The following RYR2 variants were observed in gnomAD, a reference collection of about 807,000 sequenced individuals.
The protein encoded by RYR2 is cardiac muscle ryanodine receptor-calcium release channel.
RYR2 carries 227 observed loss-of-function variants against 601.1 expected under a neutral mutation model. The ratio of observed to expected loss-of-function variants is 0.38; its 90% CI spans 0.34 to 0.42. The LOEUF is 0.42. Ranked by LOEUF, RYR2 falls within the 10% of genes least tolerant of loss-of-function variation. RYR2 has a pLI of 1.00. For missense variants in RYR2, 4,646 were observed against 6,156.5 expected (o/e 0.75, Z 8.21); for synonymous variants, 2,223 against 2,175.1 (o/e 1.02, Z -0.61).
intron 1 of RYR2, among the ~76,000 whole-genome samples, chr1:237,213,921 T>C (rs959718892): frequency 1.1e-3 from 149 of 137,524 alleles, no homozygotes; most frequent in African/African-American, 3.0e-3. Flanking sequence ...TTTTCTTTTT[T>C]TTTTTTTTTT....
chr1:237,769,739 C>CTTTT (rs370357517), intron 84 of RYR2, among the ~76,000 whole-genome samples: 5 of 125,204 alleles, frequency 4.0e-5, no homozygotes, highest in African/African-American at 1.5e-4. Flanking sequence ...GTAAAAAGTT[C>CTTTT]TTTTTTTTTT....
chr1:237,345,323 T>C (rs1698198738), intron 3 of RYR2, among the ~76,000 whole-genome samples: 1 of 152,112 alleles, frequency 6.6e-6, no homozygotes, highest in South Asian at 2.1e-4. Context: ...CAGTTTTTCA[T>C]AGTATATAGA....
Position 237,695,854 on chromosome 1 carries a change from G to A in RYR2, c.9068-3111G>A, listed in dbSNP as rs147195211. ...TTACATAGAGGTGTTTCTATTTAAA[G>A]TTGTGCTGTGTCTAAAAGGGGTCTA... On this transcript the variant is annotated intron_variant, in intron 63 of 104. Coordinates refer to ENST00000366574, the MANE Select transcript of RYR2 (RefSeq NM_001035.3). Among the ~76,000 whole-genome samples the A allele has an allele frequency of 9.7e-3, 1,472 of 152,222 alleles. 12 individuals carry two copies. The highest frequency in any genetic ancestry group is 0.017 in the Middle Eastern group (5 of 294).
At chr1:237,436,295 C>T (rs1707343214) in intron 12 of RYR2, among the ~76,000 whole-genome samples, 1 of 151,674 alleles carries the variant, frequency 6.6e-6, no homozygotes, top group South Asian at 2.1e-4. Context: ...TGTTAGAGGG[C>T]TGTTATTTAG....
intron 2 of RYR2, among the ~76,000 whole-genome samples, chr1:237,275,048 G>GTA (rs1690122015): frequency 1.3e-5 from 2 of 150,926 alleles, no homozygotes; most frequent in Admixed American, 6.6e-5. Context: ...ATGCATGTCT[G>GTA]TATATATATA....
chr1:237,143,666 C>T (rs1406057240), intron 1 of RYR2, among the ~76,000 whole-genome samples: 1 of 152,048 alleles, frequency 6.6e-6, no homozygotes, highest in East Asian at 1.9e-4. Context: ...CACTAGCCTC[C>T]TAGGAGCACT....
At chr1:237,797,941 C>CAGTA (rs1487260237) in intron 96 of RYR2, 96 bp from the exon 97 acceptor site, 1 of 1,126,320 alleles carries the variant, frequency 8.9e-7, no homozygotes, top group East Asian at 2.7e-5. Context: ...GGCAAATATA[C>CAGTA]AGTAAGTATA....
chr1:237,512,252 G>C (rs1264830715), intron 24 of RYR2, among the ~76,000 whole-genome samples: 1 of 152,200 alleles, frequency 6.6e-6, no homozygotes, highest in Non-Finnish European at 1.5e-5. Flanking sequence ...GTCATAGCCT[G>C]TATGTCTTCA....
intron 1 of RYR2, among the ~76,000 whole-genome samples, chr1:237,176,590 C>T (rs938984446): frequency 2.0e-5 from 3 of 151,476 alleles, no homozygotes; most frequent in Non-Finnish European, 2.9e-5. Context: ...TTTTAAAAAA[C>T]ACCTTTAATA....
chr1:237,785,038 T>TTATTATACCC, intron 90 of RYR2, 66 bp downstream of exon 90: 1 of 1,153,998 alleles, frequency 8.7e-7, no homozygotes, highest in Non-Finnish European at 1.3e-6. Context: ...AAATGATCAT[T>TTATTATACCC]AGACCAGGTT....
intron 14 of RYR2, among the ~76,000 whole-genome samples, chr1:237,452,813 A>G (rs1401339595): frequency 6.6e-6 from 1 of 151,526 alleles, no homozygotes; most frequent in African/African-American, 2.4e-5. Context: ...TTCATAAATT[A>G]AGATGATATA....
At chr1:237,685,440 A>G (rs1686298126) in intron 62 of RYR2, among the ~76,000 whole-genome samples, 1 of 152,228 alleles carries the variant, frequency 6.6e-6, no homozygotes, top group African/African-American at 2.4e-5. Context: ...TAAATGAGAC[A>G]TAGAGCAGTC....
intron 76 of RYR2, among the ~76,000 whole-genome samples, chr1:237,727,791 A>G (rs751143396): frequency 3.9e-5 from 6 of 152,124 alleles, no homozygotes; most frequent in Non-Finnish European, 8.8e-5. Context: ...AGGCCCGTCA[A>G]CCTTCTCTTA....
At chr1:237,695,159 T>C (rs1687308344) in intron 63 of RYR2, among the ~76,000 whole-genome samples, 1 of 152,204 alleles carries the variant, frequency 6.6e-6, no homozygotes, top group Non-Finnish European at 1.5e-5. Context: ...GGGATTAATA[T>C]GCAAAAATTA....
At chr1:237,342,432 G>T (rs1007624454) in intron 3 of RYR2, among the ~76,000 whole-genome samples, 1 of 151,830 alleles carries the variant, frequency 6.6e-6, no homozygotes, top group Non-Finnish European at 1.5e-5. Context: ...GGGATTACAG[G>T]TGTGAGCCAC....
chr1:237,683,266 A>G (rs1017534360), intron 62 of RYR2, among the ~76,000 whole-genome samples: 25 of 152,208 alleles, frequency 1.6e-4, no homozygotes, highest in African/African-American at 6.0e-4. Flanking sequence ...CTTTTCCACA[A>G]TTAAAACCAA....
chr1:237,567,045 G>A (rs368769402), intron 28 of RYR2, among the ~76,000 whole-genome samples: 2 of 152,106 alleles, frequency 1.3e-5, no homozygotes, highest in African/African-American at 4.8e-5. Flanking sequence ...TACATATGTA[G>A]AGGAAAAATG....
chr1:237,823,057 A>G (rs1662691127), intron 101 of RYR2, among the ~76,000 whole-genome samples: 2 of 152,184 alleles, frequency 1.3e-5, no homozygotes, highest in Non-Finnish European at 2.9e-5. Flanking sequence ...ACCTACAAAG[A>G]GACTTAGACT....
intron 23 of RYR2, among the ~76,000 whole-genome samples, chr1:237,509,990 T>A (rs1665719494): frequency 6.6e-6 from 1 of 152,180 alleles, no homozygotes; most frequent in Admixed American, 6.5e-5. Flanking sequence ...CCAGGCCATG[T>A]ATGCAGGAAG....
Sources: allele counts gnomAD v4.1 joint callset (sites outside exome capture counted in the v4.1 genomes callset), GRCh38; gene constraint gnomAD v4.1.1; transcripts MANE v1.5; gene names NCBI Gene and HGNC (gene_info 2026-07-23, HGNC 2026-07-21).